The following CDH13 variants were observed in gnomAD, a reference collection of about 807,000 sequenced individuals.
CDH13 encodes cadherin 13, also known as cadherin-13.
In CDH13, 24 loss-of-function variants were observed where a neutral mutation model predicts 63.8. That is an observed-to-expected ratio of 0.38 (90% CI 0.27 to 0.53). The LOEUF is 0.53. Ranked by LOEUF, CDH13 falls within the 20% of genes least tolerant of loss-of-function variation. The pLI is 0.85. For missense variants in CDH13, 1,049 were observed against 903.1 expected (o/e 1.16, Z -2.07); for synonymous variants, 503 against 355.3 (o/e 1.42, Z -4.67).
chr16:82,897,849 C>T (rs536032918), intron 2 of CDH13, among the ~76,000 whole-genome samples: 4 of 152,194 alleles, frequency 2.6e-5, no homozygotes, highest in African/African-American at 9.6e-5. Flanking sequence ...TTTATTCATT[C>T]ATTTATCATT....
chr16:83,368,690 C>T (rs1001835517), intron 6 of CDH13, among the ~76,000 whole-genome samples: 1 of 151,160 alleles, frequency 6.6e-6, no homozygotes, highest in African/African-American at 2.4e-5. Context: ...TTCCCCAAGT[C>T]CCCACAGTCC....
At chr16:83,375,580 A>G (rs143113209) in intron 6 of CDH13, among the ~76,000 whole-genome samples, 3 of 152,320 alleles carry the variant, frequency 2.0e-5, no homozygotes, top group Non-Finnish European at 4.4e-5. Context: ...TGTATGTTGT[A>G]TATTTAGCAA....
chr16:83,612,477 G>T (rs904303758), intron 8 of CDH13, among the ~76,000 whole-genome samples: 1 of 151,610 alleles, frequency 6.6e-6, no homozygotes, highest in Non-Finnish European at 1.5e-5. Context: ...TAATGTTATT[G>T]TTACTGGAAT....
intron 2 of CDH13, chr16:82,990,447 A>T (rs1430509179): frequency 1.3e-5 from 2 of 151,998 alleles, no homozygotes; most frequent in Non-Finnish European, 2.9e-5. Flanking sequence ...CCCCTCCTGG[A>T]CTTACGTTCA....
At chr16:83,126,939 A>G (rs2035837922) in intron 4 of CDH13, among the ~76,000 whole-genome samples, 1 of 152,152 alleles carries the variant, frequency 6.6e-6, no homozygotes, top group Non-Finnish European at 1.5e-5. Flanking sequence ...GATGATGTGA[A>G]AAAAAGAGCA....
At chr16:82,636,881 G>T (rs990085615) in intron 1 of CDH13, among the ~76,000 whole-genome samples, 1 of 152,114 alleles carries the variant, frequency 6.6e-6, no homozygotes, top group Non-Finnish European at 1.5e-5. Flanking sequence ...CTTAACAAGG[G>T]GCTCTTGCTA....
At chr16:83,532,944 TTC>T (rs2075112267) in intron 7 of CDH13, among the ~76,000 whole-genome samples, 2 of 152,322 alleles carry the variant, frequency 1.3e-5, no homozygotes, top group South Asian at 4.1e-4. Flanking sequence ...TTCCCAGTCC[TTC>T]AGCCACCAGC....
intron 6 of CDH13, among the ~76,000 whole-genome samples, chr16:83,351,804 A>C (rs1025816121): frequency 2.6e-5 from 4 of 152,214 alleles, no homozygotes; most frequent in African/African-American, 9.6e-5. Context: ...GCTTCTAATC[A>C]GAGGATTTTA....
chr16:83,513,184 C>G (rs1377681868), intron 7 of CDH13, among the ~76,000 whole-genome samples: 1 of 152,048 alleles, frequency 6.6e-6, no homozygotes, highest in East Asian at 1.9e-4. Flanking sequence ...GTTGGATTTG[C>G]TTTTTTTCCA....
At chr16:82,862,243 C>G (rs184144172) in intron 2 of CDH13, among the ~76,000 whole-genome samples, 1 of 152,144 alleles carries the variant, frequency 6.6e-6, no homozygotes, top group Non-Finnish European at 1.5e-5. Flanking sequence ...CATCATGACA[C>G]CCAGAACAGA....
At chr16:83,313,892 A>G (rs1196709934) in intron 5 of CDH13, among the ~76,000 whole-genome samples, 1 of 152,166 alleles carries the variant, frequency 6.6e-6, no homozygotes, top group Non-Finnish European at 1.5e-5. Flanking sequence ...TACTACCCAT[A>G]TTACATTGCT....
rs869250059 is a variant in CDH13 at position 83,176,512 on chromosome 16, G to GAAAAA, written c.484-40815_484-40811dup. ...GTGACAGAGCAAGAATCCAGCTAGA[G>GAAAAA]AAAAAAAAAAAAAAAAAAAAAAGTC... On this transcript the variant is annotated intron_variant, in intron 4 of 13. Transcript: ENST00000567109. 2.2e-3 allele frequency among the ~76,000 whole-genome samples: 159 copies of GAAAAA among 71,780 alleles called. 5 individuals carry two copies. The highest frequency in any genetic ancestry group is 8.3e-3 in the Middle Eastern group (1 of 120). The allele number at this position is 71,780 out of a possible 152,430, so 47.1% of individuals were successfully genotyped here. A position where few individuals can be genotyped will look rare whatever the true frequency, so the allele number is the denominator to read the frequency against.
intron 1 of CDH13, among the ~76,000 whole-genome samples, chr16:82,799,242 T>C (rs182402308): frequency 6.6e-5 from 10 of 152,356 alleles, no homozygotes; most frequent in Non-Finnish European, 2.9e-5. Flanking sequence ...TTTTTTGTTG[T>C]ACAGTTCAGT....
chr16:82,883,636 C>T (rs2040782219), intron 2 of CDH13, among the ~76,000 whole-genome samples: 1 of 152,170 alleles, frequency 6.6e-6, no homozygotes, highest in African/African-American at 2.4e-5. Flanking sequence ...AATTTCAGTT[C>T]CTCATCTCTA....
chr16:83,662,805 C>G (rs1418535964), intron 8 of CDH13, among the ~76,000 whole-genome samples: 1 of 152,126 alleles, frequency 6.6e-6, no homozygotes, highest in Non-Finnish European at 1.5e-5. Context: ...GGAATAGAAA[C>G]CTGCTCAAGG....
At chr16:82,674,913 A>T (rs57876578) in intron 1 of CDH13, among the ~76,000 whole-genome samples, 23,933 of 152,070 alleles carry the variant, frequency 0.16, 2,047 homozygotes, top group East Asian at 0.25. Flanking sequence ...TCAAAAAGTC[A>T]TAATCTATTA....
At chr16:82,934,069 C>T (rs2042588518) in intron 2 of CDH13, among the ~76,000 whole-genome samples, 1 of 152,234 alleles carries the variant, frequency 6.6e-6, no homozygotes, top group African/African-American at 2.4e-5. Flanking sequence ...GGCAGTGCCC[C>T]AGTGGGGACT....
At chr16:82,713,360 T>G (rs751406188) in intron 1 of CDH13, among the ~76,000 whole-genome samples, 2 of 152,082 alleles carry the variant, frequency 1.3e-5, no homozygotes, top group Non-Finnish European at 2.9e-5. Context: ...CAAGCCTGAT[T>G]TGAAGTACCT....
chr16:83,661,299 C>G (rs965521068), intron 8 of CDH13, among the ~76,000 whole-genome samples: 17 of 152,140 alleles, frequency 1.1e-4, no homozygotes, highest in African/African-American at 3.9e-4. Flanking sequence ...CCAGCCTGAG[C>G]AGTATAGTGA....
Sources: gnomAD v4.1 joint callset for allele counts (sites outside exome capture counted in the v4.1 genomes callset) on GRCh38, gnomAD v4.1.1 for gene constraint, MANE v1.5 for transcripts, NCBI Gene and HGNC (gene_info 2026-07-23, HGNC 2026-07-21) for gene names.